ATP4A: variants seen among roughly 807,000 people sequenced by gnomAD.
ATP4A encodes the protein ATPase H+/K+ transporting subunit alpha, also known as potassium-transporting ATPase alpha chain 1.
A neutral mutation model predicts 112.1 loss-of-function variants in ATP4A; 73 were observed. The observed-to-expected ratio is 0.65, with a 90% confidence interval of 0.54 to 0.79. The LOEUF (loss-of-function observed/expected upper bound fraction) is 0.79. ATP4A is among the 30% of genes least tolerant of loss of function. ATP4A has a pLI of 0.00. For missense variants in ATP4A, 1,081 were observed against 1,425.9 expected, an observed-to-expected ratio of 0.76 and a Z score of 3.90; for synonymous variants, 588 against 588.9, an observed-to-expected ratio of 1.00 and a Z score of 0.02.
chr19:35,550,508 TG>T lies in ATP4A; in HGVS notation c.*106del. ...CTACAGAAGCAGATACTGGTGGGGCTGGGACTCTTGGTTGCTCAGATATCTT... is the reference window on the plus strand; with the variant it reads ...CTACAGAAGCAGATACTGGTGGGGCTGGACTCTTGGTTGCTCAGATATCTT... On this transcript the variant is annotated 3_prime_UTR_variant, in exon 22 of 22. Coordinates refer to ENST00000262623, the MANE Select transcript of ATP4A (RefSeq NM_000704.3). This position sits in a 1 kb window ranked among gnomAD's most constrained non-coding sequence, Gnocchi z 4.1. The T allele has an allele frequency of 6.9e-7, 1 of 1,453,334 alleles. No individual in the cohort carries two copies. Among genetic ancestry groups the T allele is most frequent in the Non-Finnish European group, 9.5e-7 (1 of 1,047,952 alleles). 90.0% of individuals were successfully genotyped at this position (1,453,334 alleles called of 1,614,324 possible).
chr19:35,559,953 A>G lies in ATP4A; in HGVS notation c.908T>C (p.Val303Ala). Residue 303 changes from valine (V) to alanine (A), a missense_variant, in exon 7 of 22, where the codon GTG becomes GCG. Physicochemically the swap from Val to Ala is moderately conservative, Grantham distance 64. This residue lies in a region of ATP4A where 850 missense variants were observed against 1,068.2 expected (regional missense o/e 0.80). Transcript: ENST00000262623. This position sits in a 1 kb window ranked among gnomAD's most constrained non-coding sequence, Gnocchi z 4.1. ...TPIAIEIEHFVDIIAGLAILF... is the reference protein window; with the variant it reads ...TPIAIEIEHFADIIAGLAILF... ...AATGGCCAGGCCCGCGATGATGTCC[A>G]CAAAATGCTCGATCTCGATAGCGAT... 1 of 1,614,248 alleles carries G rather than the reference A, an allele frequency of 6.2e-7. No homozygotes were observed.
At position 35,557,461 on chromosome 19, in the gene ATP4A, G is replaced by A. The variant is rs773593854; in HGVS notation, c.1693+194C>T. ...CGGATAAAAGTCCAGGTGAGGACTGGGGTCAAGGTAGAAAGTGAGGACAGA... is the reference window on the plus strand; with the variant it reads ...CGGATAAAAGTCCAGGTGAGGACTGAGGTCAAGGTAGAAAGTGAGGACAGA... On this transcript the variant is annotated intron_variant, in intron 11 of 21. Coordinates refer to ENST00000262623, the MANE Select transcript of ATP4A (RefSeq NM_000704.3). This position sits in a 1 kb window ranked among gnomAD's most constrained non-coding sequence, Gnocchi z 4.4. Among the ~76,000 whole-genome samples, 1 of 152,238 alleles carries A rather than the reference G, an allele frequency of 6.6e-6. No homozygotes were observed. The highest frequency in any genetic ancestry group is 1.5e-5 in the Non-Finnish European group (1 of 68,048).
chr19:35,558,229 G>A lies in ATP4A; in HGVS notation c.1500+133C>T, dbSNP rs981900124. 1.4e-4 allele frequency: 175 copies of A among 1,209,820 alleles called. No homozygotes were observed. In the East Asian group the frequency reaches 4.4e-3, roughly 30 times the overall value. 74.9% of individuals were successfully genotyped at this position (1,209,820 alleles called of 1,614,324 possible). ...GTGGACGGGGCCATAGGCGGAGCGG[G>A]AGATGGGGTGGGGTTTGGCTGCGGA... On this transcript the variant is annotated intron_variant, in intron 10 of 21. Transcript: ENST00000262623. This position sits in a 1 kb window ranked among gnomAD's most constrained non-coding sequence, Gnocchi z 5.1.
Position 35,550,825 on chromosome 19 carries a change from C to T in ATP4A, c.3079+9G>A, listed in dbSNP as rs1320414839. 2 of 1,614,024 alleles carry T rather than the reference C, an allele frequency of 1.2e-6. No individual in the cohort carries two copies. The highest frequency in any genetic ancestry group is 1.7e-6 in the Non-Finnish European group (2 of 1,179,888). On this transcript the variant is annotated intron_variant, in intron 21 of 21. Coordinates refer to ENST00000262623, the MANE Select transcript of ATP4A (RefSeq NM_000704.3). This position sits in a 1 kb window ranked among gnomAD's most constrained non-coding sequence, Gnocchi z 4.1. ...CCCCTGCCCCCAGGCTCCCAGTCTCCACACTCACTCCCTGGGCAACAGCGA... is the reference window on the plus strand; with the variant it reads ...CCCCTGCCCCCAGGCTCCCAGTCTCTACACTCACTCCCTGGGCAACAGCGA...
rs2071604307 is a variant in ATP4A at position 35,551,911 on chromosome 19, G to A, written c.2752-331C>T. The stretch of plus-strand genomic sequence containing the variant: ...AAAGGGGAATTGAAATCCTCAGATG[G>A]GATTTGCAAAGTCCAGTGACTCCAG... On this transcript the variant is annotated intron_variant, in intron 18 of 21. Coordinates refer to ENST00000262623, the MANE Select transcript of ATP4A (RefSeq NM_000704.3). This position sits in a 1 kb window ranked among gnomAD's most constrained non-coding sequence, Gnocchi z 5.2. Among the ~76,000 whole-genome samples, 2 of 152,154 alleles carry A rather than the reference G, an allele frequency of 1.3e-5. No individual in the cohort carries two copies. Among genetic ancestry groups the A allele is most frequent in the Admixed American group, 1.3e-4 (2 of 15,276 alleles).
Position 35,557,547 on chromosome 19 carries a change from C to T in ATP4A, c.1693+108G>A, listed in dbSNP as rs1356707559. 1.5e-6 allele frequency: 2 copies of T among 1,327,922 alleles called. No homozygotes were observed. The highest frequency in any genetic ancestry group is 2.0e-6 in the Non-Finnish European group (2 of 981,152). The allele number at this position is 1,327,922 out of a possible 1,614,324, so 82.3% of individuals were successfully genotyped here. On this transcript the variant is annotated intron_variant, in intron 11 of 21. Transcript: ENST00000262623. This position sits in a 1 kb window ranked among gnomAD's most constrained non-coding sequence, Gnocchi z 4.4. ...GAGGCTGTGGACTGCGACAAATCAG[C>T]CAGCAGCCAGGGATGAGGACGGTCA...
rs1282176975 is a variant in ATP4A, at chr19:35,560,486, A to G, written c.664T>C (p.Cys222Arg). The G allele has an allele frequency of 6.2e-7, 1 of 1,613,698 alleles. No homozygotes were observed. The highest frequency in any genetic ancestry group is 2.2e-5 in the East Asian group (1 of 44,884). Residue 222 changes from cysteine to arginine, a missense_variant, in exon 6 of 22, where the codon TGC becomes CGC. By Grantham distance (180) the Cys-to-Arg change is radical. Around this residue, in one of 3 missense-constraint regions of ATP4A, gnomAD observed 850 missense variants for 1,068.2 expected, o/e 0.80. Transcript: ENST00000262623. The surrounding 1 kb of genome is among the most constrained non-coding windows in gnomAD (Gnocchi z 5.1). Reference protein sequence around the residue: ...ADIRILAAQGCKVDNSSLTGE... With the variant: ...ADIRILAAQGRKVDNSSLTGE... ...GTCAGCGAGGAGTTGTCCACCTTGC[A>G]GCCCTGGGCCGCCAGGATGCGGATG...
intron 16 of ATP4A, 130 bp from the exon 17 acceptor site, chr19:35,553,959 G>T: frequency 7.5e-7 from 1 of 1,329,800 alleles, no homozygotes; most frequent in Non-Finnish European, 1.0e-6. Flanking sequence ...TGCAGGGACG[G>T]CACAGCCACA....
At position 35,562,584 on chromosome 19, in the gene ATP4A, G is replaced by A; in HGVS notation, c.271C>T (p.Leu91=). The change falls in exon 4 of 22, where the codon CTG becomes TTG. Residue 91 remains leucine (L), a synonymous_variant. Coordinates refer to ENST00000262623, the MANE Select transcript of ATP4A (RefSeq NM_000704.3). The part of the protein sequence containing the change: ...ELLLRDGPNA[L]RPPRGTPEYV... ...TCTGGGGTGCCCCGTGGTGGCCGCA[G>A]TGCGTTGGGCCCATCCCGCAGCAGC... 2.5e-6 allele frequency: 4 copies of A among 1,611,380 alleles called. No individual in the cohort carries two copies. Among genetic ancestry groups the A allele is most frequent in the Non-Finnish European group, 2.5e-6 (3 of 1,179,094 alleles).
intron 17 of ATP4A, 42 bp from the exon 18 acceptor site, chr19:35,553,224 C>T (rs1555709905): frequency 1.9e-6 from 3 of 1,564,644 alleles, no homozygotes; most frequent in Non-Finnish European, 2.6e-6. Flanking sequence ...GAGATGGACA[C>T]AGAGACAGGG....
chr19:35,560,808 G>C lies in ATP4A; in HGVS notation c.534+11C>G. ...CTGGGATCTGGAGTGGCTGGGTGCT[G>C]GGGAACCCACCTGTGGCACAAGGTT... On this transcript the variant is annotated intron_variant, in intron 5 of 21. Transcript: ENST00000262623. This position sits in a 1 kb window ranked among gnomAD's most constrained non-coding sequence, Gnocchi z 5.1. 4 of 1,612,788 alleles carry C rather than the reference G, an allele frequency of 2.5e-6. No homozygotes were observed. Among genetic ancestry groups the C allele is most frequent in the Non-Finnish European group, 3.4e-6 (4 of 1,178,810 alleles).
chr19:35,560,421 C>A lies in ATP4A; in HGVS notation c.729G>T (p.Thr243=), dbSNP rs776532274. 6.2e-7 allele frequency: 1 copy of A among 1,613,938 alleles called. No individual in the cohort carries two copies. The highest frequency in any genetic ancestry group is 2.2e-5 in the East Asian group (1 of 44,874). Residue 243 remains threonine (T), a synonymous_variant, in exon 6 of 22, where the codon ACG becomes ACT. Transcript: ENST00000262623. The surrounding 1 kb of genome is among the most constrained non-coding windows in gnomAD (Gnocchi z 5.1). ...SEPQTRSPEC[T]HESPLETRNI... ...TGCGGGTCTCCAGAGGGCTCTCGTG[C>A]GTGCACTCGGGTGAGCGGGTCTGTG...
At chr19:35,553,641 G>A in intron 17 of ATP4A, 65 bp downstream of exon 17, 1 of 1,582,524 alleles carries the variant, frequency 6.3e-7, no homozygotes, top group Non-Finnish European at 8.6e-7. Context: ...GGCAGGGCCT[G>A]GGGCAGGCGA....
chr19:35,562,415 G>A lies in ATP4A; in HGVS notation c.420+20C>T, dbSNP rs764147230. On this transcript the variant is annotated intron_variant, in intron 4 of 21. Coordinates refer to ENST00000262623, the MANE Select transcript of ATP4A (RefSeq NM_000704.3). ...CCCCAGGTCCCCATGTCCTGAGCCT[G>A]TCCCCACAACATGGCTCACATTGTC... 6.2e-7 allele frequency: 1 copy of A among 1,609,496 alleles called. No homozygotes were observed. Among genetic ancestry groups the A allele is most frequent in the Non-Finnish European group, 8.5e-7 (1 of 1,177,378 alleles).
intron 4 of ATP4A, among the ~76,000 whole-genome samples, chr19:35,561,721 G>A (rs577399820): frequency 7.2e-5 from 11 of 151,880 alleles, no homozygotes; most frequent in African/African-American, 1.4e-4. Context: ...GTCTCTCTAT[G>A]TGCTGTGTCC....
In ATP4A at chr19:35,555,010, A is replaced by G; in HGVS notation, c.2393T>C (p.Leu798Pro). Residue 798 changes from leucine to proline, a missense_variant, in exon 16 of 22, where the codon CTG becomes CCG. Coordinates refer to ENST00000262623, the MANE Select transcript of ATP4A (RefSeq NM_000704.3). The surrounding 1 kb of genome is among the most constrained non-coding windows in gnomAD (Gnocchi z 6.6). ...AYTLTKNIPE[L>P]TPYLIYITVS... Reference sequence around the variant, plus strand: ...GGTGATGTAGATGAGGTAGGGTGTCAGCTCTGGGATGTTCTTGGTCAATGT... The same window carrying G: ...GGTGATGTAGATGAGGTAGGGTGTCGGCTCTGGGATGTTCTTGGTCAATGT... 1 of 1,614,172 alleles carries G rather than the reference A, an allele frequency of 6.2e-7. No homozygotes were observed. Among genetic ancestry groups the G allele is most frequent in the Non-Finnish European group, 8.5e-7 (1 of 1,180,028 alleles).
Position 35,558,118 on chromosome 19 carries a change from T to C in ATP4A, c.1500+244A>G. ...GGTGCGGAGTTGGGCTGGGGGCGGA[T>C]TTGGAGAGCGAGGTGCTCCCCATGG... On this transcript the variant is annotated intron_variant, in intron 10 of 21. Transcript: ENST00000262623. This position sits in a 1 kb window ranked among gnomAD's most constrained non-coding sequence, Gnocchi z 5.1. The C allele has an allele frequency of 1.6e-6, 1 of 631,124 alleles. No homozygotes were observed. The allele number at this position is 631,124 out of a possible 1,614,324, so 39.1% of individuals were successfully genotyped here.
In ATP4A at chr19:35,555,493, C is replaced by T; in HGVS notation, c.2104G>A (p.Ala702Thr). 1.2e-6 allele frequency: 2 copies of T among 1,609,936 alleles called. No individual in the cohort carries two copies. Among genetic ancestry groups the T allele is most frequent in the Non-Finnish European group, 1.7e-6 (2 of 1,177,458 alleles). Reference sequence around the variant, plus strand: ...AGCTTCTGCTGGGGGCTGGTGCGCGCAAACACCATCTCGGGGTGGGTGCGC... The same window carrying T: ...AGCTTCTGCTGGGGGCTGGTGCGCGTAAACACCATCTCGGGGTGGGTGCGC... ...ALRTHPEMVF[A>T]RTSPQQKLVI... Residue 702 changes from alanine (A) to threonine (T), a missense_variant, in exon 14 of 22, where the codon GCG becomes ACG. Coordinates refer to ENST00000262623, the MANE Select transcript of ATP4A (RefSeq NM_000704.3). This position sits in a 1 kb window ranked among gnomAD's most constrained non-coding sequence, Gnocchi z 6.6.
chr19:35,557,729 G>T lies in ATP4A; in HGVS notation c.1619C>A (p.Pro540Gln), dbSNP rs1404268895. 1 of 1,606,864 alleles carries T rather than the reference G, an allele frequency of 6.2e-7. No homozygotes were observed. The change falls in exon 11 of 22, where the codon CCG (proline) becomes CAG (glutamine). Residue 540 changes from proline (P) to glutamine (Q), a missense_variant. Transcript: ENST00000262623. The surrounding 1 kb of genome is among the most constrained non-coding windows in gnomAD (Gnocchi z 4.4). ...SSILIKGQELPLDEQWREAFQ... is the reference protein window; with the variant it reads ...SSILIKGQELQLDEQWREAFQ... Reference sequence around the variant, plus strand: ...GGCCTCGCGCCACTGCTCGTCCAGCGGCAGCTCCTGGCCCTTGATAAGGAT... The same window carrying T: ...GGCCTCGCGCCACTGCTCGTCCAGCTGCAGCTCCTGGCCCTTGATAAGGAT...
Sources: gnomAD v4.1 joint callset for allele counts (sites outside exome capture counted in the v4.1 genomes callset) on GRCh38, gnomAD v4.1.1 for gene constraint, gnomAD v4.1.1 regional missense constraint, Gnocchi (gnomAD v3.1) non-coding constraint, MANE v1.5 for transcripts, NCBI Gene and HGNC (gene_info 2026-07-23, HGNC 2026-07-21) for gene names.